CD36: variants seen among roughly 807,000 people sequenced by gnomAD.
CD36 encodes CD36 molecule (CD36 blood group).
Under a neutral mutation model 55.2 loss-of-function variants are expected in CD36, and 119 were observed. The observed-to-expected ratio is 2.15, with a 90% CI of 1.86 to 2.51. The LOEUF (loss-of-function observed/expected upper bound fraction) is 2.51. Among genes scored for constraint, CD36 ranks in the 30% most tolerant of loss-of-function variants. The probability of loss-of-function intolerance (pLI) is 0.00; values close to 1 mark genes in which losing one functional copy is unlikely to be tolerated. For missense variants in CD36, 819 were observed against 555.5 expected (o/e 1.47, Z -4.77); for synonymous variants, 186 against 193.6 (o/e 0.96, Z 0.33).
Position 80,672,764 on chromosome 7 carries a change from T to TTTTAGATAACTGGATTCACTTTACAA in CD36, c.1126-2_1149dup, listed in dbSNP as rs777035246. ...GTTGGTAATTATTTAGTTGTTCTCT[T>TTTTAGATAACTGGATTCACTTTACAA]TTTAGATAACTGGATTCACTTTACA... On this transcript the variant is annotated splice_region_variant and splice_polypyrimidine_tract_variant and intron_variant, in intron 11 of 14. Coordinates refer to ENST00000447544, the MANE Select transcript of CD36 (RefSeq NM_001001548.3). 1.9e-5 allele frequency: 30 copies of TTTTAGATAACTGGATTCACTTTACAA among 1,596,628 alleles called. No individual in the cohort carries two copies. In the Middle Eastern group the frequency reaches 1.4e-3, roughly 76 times the overall value.
chr7:80,672,849 T>G lies in CD36; in HGVS notation c.1199+6T>G. 1 of 1,598,154 alleles carries G rather than the reference T, an allele frequency of 6.3e-7. No individual in the cohort carries two copies. The highest frequency in any genetic ancestry group is 8.6e-7 in the Non-Finnish European group (1 of 1,166,982). On this transcript the variant is annotated splice_donor_region_variant and intron_variant, in intron 12 of 14. Coordinates refer to ENST00000447544, the MANE Select transcript of CD36 (RefSeq NM_001001548.3). ...AAGCCATCAGAAAAAATTCAGTGAG[T>G]CTCTTGAAAATGGTTATTTTGATAT...
chr7:80,670,409 C>A, intron 9 of CD36: 1 of 267,084 alleles, frequency 3.7e-6, no homozygotes. Flanking sequence ...CCCTTGAGCC[C>A]AAGCTCTGTC....
upstream of CD36, chr7:80,636,916 T>C: frequency 6.6e-6 from 1 of 152,100 alleles, no homozygotes; most frequent in East Asian, 1.9e-4. Flanking sequence ...ATTTGATTCT[T>C]TGGACTGCTC....
At chr7:80,669,918 T>C in intron 8 of CD36, 35 bp from the exon 9 acceptor site, 1 of 1,472,382 alleles carries the variant, frequency 6.8e-7, no homozygotes, top group South Asian at 1.1e-5. Context: ...GAACACACAT[T>C]ACATCTAATC....
At chr7:80,609,264 GA>G (rs1054361422) in intron 1 of CD36, among the ~76,000 whole-genome samples, 1 of 152,134 alleles carries the variant, frequency 6.6e-6, no homozygotes, top group African/African-American at 2.4e-5. Context: ...AATCCTTACT[GA>G]AACATGTTTC....
rs761342716 is a variant in CD36, at chr7:80,656,611, G to C, written c.192G>C (p.Gln64His). The C allele has an allele frequency of 1.1e-5, 18 of 1,613,712 alleles. No individual in the cohort carries two copies. The South Asian group carries it at 2.0e-4, about 18-fold the overall frequency. ...WVKTGTEVYRQFWIFDVQNPQ... is the reference protein window; with the variant it reads ...WVKTGTEVYRHFWIFDVQNPQ... Reference sequence around the variant, plus strand: ...AAACAGGCACAGAAGTTTACAGACAGTTTTGGATCTTTGATGTGCAAAATC... The same window carrying C: ...AAACAGGCACAGAAGTTTACAGACACTTTTGGATCTTTGATGTGCAAAATC... The change falls in exon 4 of 15, where the codon CAG becomes CAC. Residue 64 changes from glutamine (Q) to histidine (H), a missense_variant. Transcript: ENST00000447544.
At chr7:80,660,476 C>T (rs1471692406) in intron 4 of CD36, among the ~76,000 whole-genome samples, 7 of 152,182 alleles carry the variant, frequency 4.6e-5, no homozygotes, top group Non-Finnish European at 1.0e-4. Flanking sequence ...TATTCCCCTG[C>T]TGAAGCCCCT....
Position 80,671,176 on chromosome 7 carries a change from AC to A in CD36, c.1006+14del. ...CAAATGCAAAGAAGGTGAGTAAATA[AC>A]CTCAGTAGCACAGTCCATACCATAA... On this transcript the variant is annotated intron_variant, in intron 10 of 14. Coordinates refer to ENST00000447544, the MANE Select transcript of CD36 (RefSeq NM_001001548.3). The A allele has an allele frequency of 6.4e-7, 1 of 1,559,944 alleles. No homozygotes were observed. The highest frequency in any genetic ancestry group is 8.8e-7 in the Non-Finnish European group (1 of 1,132,440).
intron 12 of CD36, 192 bp from the exon 13 acceptor site, chr7:80,673,160 GAAA>G (rs906616722): frequency 2.0e-6 from 1 of 505,828 alleles, no homozygotes; most frequent in East Asian, 3.2e-5. Flanking sequence ...CCACACTTGT[GAAA>G]AAAAATCAAT....
chr7:80,674,624 G>C (rs1438161804), intron 14 of CD36, among the ~76,000 whole-genome samples: 2 of 152,008 alleles, frequency 1.3e-5, no homozygotes, highest in Non-Finnish European at 2.9e-5. Context: ...CAACATAGTA[G>C]AACCAAGTAC....
At chr7:80,609,460 C>T (rs769919951) in intron 1 of CD36, among the ~76,000 whole-genome samples, 1 of 152,108 alleles carries the variant, frequency 6.6e-6, no homozygotes, top group South Asian at 2.1e-4. Flanking sequence ...ACTCTTCCTA[C>T]CTGAGTGTAG....
In CD36 at chr7:80,673,264, A is replaced by T. The variant is rs1220345026; in HGVS notation, c.1200-91A>T. 3 of 644,518 alleles carry T rather than the reference A, an allele frequency of 4.7e-6. No homozygotes were observed. The African/African-American group carries it at 5.6e-5, about 12-fold the overall frequency. The allele number at this position is 644,518 out of a possible 1,614,324, so 39.9% of individuals were successfully genotyped here. On this transcript the variant is annotated intron_variant, in intron 12 of 14. Transcript: ENST00000447544. ...TTACAGGAACAAAATCAAATTAGCAACAGCAACTAATTTATGAACATTTAT... is the reference window on the plus strand; with the variant it reads ...TTACAGGAACAAAATCAAATTAGCATCAGCAACTAATTTATGAACATTTAT...
chr7:80,620,158 T>C (rs1793384828), intron 1 of CD36, among the ~76,000 whole-genome samples: 1 of 152,102 alleles, frequency 6.6e-6, no homozygotes, highest in South Asian at 2.1e-4. Flanking sequence ...CAGAGTTCGA[T>C]GACAAGAAGT....
chr7:80,645,167 T>A (rs1050747876), intron 1 of CD36, among the ~76,000 whole-genome samples: 1 of 151,514 alleles, frequency 6.6e-6, no homozygotes, highest in Non-Finnish European at 1.5e-5. Context: ...ATTACAAGCA[T>A]GTGCCACCAA....
Position 80,605,492 on chromosome 7 carries a change from GA to G in CD36, c.-184+3121del, listed in dbSNP as rs35574453. Among the ~76,000 whole-genome samples, 410 of 151,710 alleles carry G rather than the reference GA, an allele frequency of 2.7e-3. 3 individuals are homozygous for G. Among genetic ancestry groups the G allele is most frequent in the African/African-American group, 8.2e-3 (338 of 41,370 alleles). On this transcript the variant is annotated intron_variant, in intron 1 of 13. Coordinates refer to the CD36 transcript ENST00000309881. ...CTTAAAGTGTTATCAGTCTCTGGGGGAAAAAAAATGGACCAAATGAGTGACA... is the reference window on the plus strand; with the variant it reads ...CTTAAAGTGTTATCAGTCTCTGGGGGAAAAAAATGGACCAAATGAGTGACA...
intron 6 of CD36, among the ~76,000 whole-genome samples, 156 bp from the exon 7 acceptor site, chr7:80,664,250 C>G (rs1288589326): frequency 1.3e-5 from 2 of 151,044 alleles, no homozygotes; most frequent in Non-Finnish European, 1.5e-5. Flanking sequence ...GCACCTTTCA[C>G]AATTTTTAAG....
intron 1 of CD36, among the ~76,000 whole-genome samples, chr7:80,608,270 C>T (rs1374356629): frequency 6.6e-6 from 1 of 152,110 alleles, no homozygotes; most frequent in African/African-American, 2.4e-5. Context: ...GCAAAGCACT[C>T]TAAAAATAAT....
intron 1 of CD36, among the ~76,000 whole-genome samples, chr7:80,626,897 C>T: frequency 6.6e-6 from 1 of 151,980 alleles, no homozygotes; most frequent in Non-Finnish European, 1.5e-5. Context: ...TTGTTTTACA[C>T]TGTATATAAA....
At chr7:80,606,228 C>T (rs1174267769) in intron 1 of CD36, among the ~76,000 whole-genome samples, 1 of 151,708 alleles carries the variant, frequency 6.6e-6, no homozygotes, top group African/African-American at 2.4e-5. Flanking sequence ...TAAAAATATC[C>T]AAATTGATGT....
Sources: allele counts gnomAD v4.1 joint callset (sites outside exome capture counted in the v4.1 genomes callset), GRCh38; gene constraint gnomAD v4.1.1; transcripts MANE v1.5; gene names NCBI Gene and HGNC (gene_info 2026-07-23, HGNC 2026-07-21).